Variants in ANKRD11 observed in about 807,000 individuals in gnomAD.
ANKRD11 encodes the protein ankyrin repeat domain-containing protein 11.
A neutral mutation model predicts 195.7 loss-of-function variants in ANKRD11; 17 were observed. That is an observed-to-expected ratio of 0.09 (90% CI 0.06 to 0.13). ANKRD11 has a LOEUF of 0.13. Among genes scored for constraint, ANKRD11 ranks in the 10% least tolerant of loss-of-function variants. The pLI, the probability that ANKRD11 is intolerant of heterozygous loss-of-function variation, is 1.00. For synonymous variants in ANKRD11, 1,953 were observed against 1,528.1 expected (o/e 1.28, Z -6.49); for missense variants, 3,735 against 3,566.1 (o/e 1.05, Z -1.21).
rs541087910 is a variant in ANKRD11, at chr16:89,281,682, G to C, written c.4860C>G (p.Leu1620=). ...KLRHRSGDPK[L]KEKAKPADDG... ...CGTCTGCCGGCTTCGCCTTCTCCTTGAGCTTGGGGTCTCCGGACCGGTGCC... is the reference window on the plus strand; with the variant it reads ...CGTCTGCCGGCTTCGCCTTCTCCTTCAGCTTGGGGTCTCCGGACCGGTGCC... The change falls in exon 9 of 13, where the codon CTC becomes CTG. Residue 1620 remains leucine (L), a synonymous_variant. Transcript: ENST00000301030. The surrounding 1 kb of genome is among the most constrained non-coding windows in gnomAD (Gnocchi z 5.5). 19 of 1,614,126 alleles carry C rather than the reference G, an allele frequency of 1.2e-5. No individual in the cohort carries two copies. In the East Asian group the frequency reaches 4.0e-4, roughly 34 times the overall value.
chr16:89,466,562 C>A (rs966351270), intron 1 of ANKRD11, among the ~76,000 whole-genome samples: 6 of 151,832 alleles, frequency 4.0e-5, no homozygotes, highest in Middle Eastern at 3.2e-3. Flanking sequence ...GCCTGGCATC[C>A]AACAAAATCA....
intron 3 of ANKRD11, among the ~76,000 whole-genome samples, chr16:89,308,712 CA>C (rs200838225): frequency 3.6e-4 from 54 of 151,826 alleles, no homozygotes; most frequent in Non-Finnish European, 6.8e-4. Context: ...GTTCGTAATA[CA>C]AAAAAAATGA....
chr16:89,280,328 G>C lies in ANKRD11; in HGVS notation c.6214C>G (p.Leu2072Val), dbSNP rs773880462. 1 of 1,581,634 alleles carries C rather than the reference G, an allele frequency of 6.3e-7. No individual in the cohort carries two copies. The highest frequency in any genetic ancestry group is 1.8e-5 in the Admixed American group (1 of 56,238). Residue 2072 changes from leucine (L) to valine (V), a missense_variant, in exon 9 of 13, where the codon CTT becomes GTT. Transcript: ENST00000301030. ...LESFFSNCKS[L>V]PEAPLDVAPE... is the part of the protein sequence containing the mutation. ...GCCACGTCCAGCGGGGCTTCCGGAA[G>C]TGACTTGCAGTTGCTGAAGAAGGAC... is the stretch of plus-strand genomic sequence containing the variant.
intron 2 of ANKRD11, among the ~76,000 whole-genome samples, chr16:89,352,703 T>C (rs1462958263): frequency 6.6e-6 from 1 of 152,188 alleles, no homozygotes; most frequent in Non-Finnish European, 1.5e-5. Flanking sequence ...TTCACCAGTT[T>C]ATTGAAGCCT....
At chr16:89,412,096 C>G in intron 2 of ANKRD11, among the ~76,000 whole-genome samples, 2 of 73,534 alleles carry the variant, frequency 2.7e-5, no homozygotes, top group Admixed American at 1.3e-4. Context: ...CCTCAGCCAG[C>G]TACTGGGCTG....
At chr16:89,323,218 C>A (rs748345644) in intron 2 of ANKRD11, 4 of 987,070 alleles carry the variant, frequency 4.1e-6, no homozygotes, top group African/African-American at 1.7e-5. Context: ...ACGGACTGAG[C>A]GGAGGAAAAA....
chr16:89,416,661 G>A (rs887562699), intron 2 of ANKRD11, among the ~76,000 whole-genome samples: 8 of 151,588 alleles, frequency 5.3e-5, no homozygotes. Flanking sequence ...CAGGTGTGGT[G>A]GCTCACACCT....
Position 89,281,671 on chromosome 16 carries a change from G to A in ANKRD11, c.4871C>T (p.Ala1624Val), listed in dbSNP as rs2034263596. ...CTTCCGCCCGTCGTCTGCCGGCTTCGCCTTCTCCTTGAGCTTGGGGTCTCC... is the reference window on the plus strand; with the variant it reads ...CTTCCGCCCGTCGTCTGCCGGCTTCACCTTCTCCTTGAGCTTGGGGTCTCC... ...RSGDPKLKEK[A>V]KPADDGRKKG... The change falls in exon 9 of 13, where the codon GCG (alanine) becomes GTG (valine). Residue 1624 changes from alanine (A) to valine (V), a missense_variant. Coordinates refer to ENST00000301030, the MANE Select transcript of ANKRD11 (RefSeq NM_013275.6). The surrounding 1 kb of genome is among the most constrained non-coding windows in gnomAD (Gnocchi z 5.5). 3.1e-6 allele frequency: 5 copies of A among 1,614,056 alleles called. No homozygotes were observed. The African/African-American group carries it at 4.0e-5, about 13-fold the overall frequency.
chr16:89,372,280 A>C (rs1334635149), intron 2 of ANKRD11, among the ~76,000 whole-genome samples: 1 of 152,188 alleles, frequency 6.6e-6, no homozygotes, highest in Admixed American at 6.5e-5. Flanking sequence ...TGAGATTAAG[A>C]GGGGCTCTGG....
intron 2 of ANKRD11, among the ~76,000 whole-genome samples, chr16:89,340,896 A>G (rs1298033579): frequency 6.6e-6 from 1 of 152,232 alleles, no homozygotes; most frequent in Non-Finnish European, 1.5e-5. Context: ...AAAAACGTTT[A>G]GGAAGGCACC....
chr16:89,377,826 C>T (rs1007303010), intron 2 of ANKRD11, among the ~76,000 whole-genome samples: 1 of 152,074 alleles, frequency 6.6e-6, no homozygotes, highest in African/African-American at 2.4e-5. Context: ...ACACCAAATG[C>T]GCCTGCCTCT....
rs59204820 is a variant in ANKRD11, at chr16:89,268,967, T to G, written c.7807-304A>C. Among the ~76,000 whole-genome samples the G allele has an allele frequency of 0.098, 14,869 of 152,316 alleles. 1,002 individuals carry two copies. Among genetic ancestry groups the G allele is most frequent in the East Asian group, 0.38 (1,966 of 5,178 alleles). On this transcript the variant is annotated intron_variant, in intron 12 of 12. Coordinates refer to ENST00000301030, the MANE Select transcript of ANKRD11 (RefSeq NM_013275.6). ...CCTGGGACTCACCTCCAGCAGCCAC[T>G]GCAGCTTATTAGAATCGAACAGCTT...
chr16:89,343,245 G>A (rs530869625), intron 2 of ANKRD11, among the ~76,000 whole-genome samples: 5 of 152,084 alleles, frequency 3.3e-5, no homozygotes, highest in East Asian at 3.9e-4. Flanking sequence ...CACCCAGCTC[G>A]GCCTCCCGAA....
chr16:89,471,990 A>G (rs1466417663), intron 1 of ANKRD11, among the ~76,000 whole-genome samples: 1 of 151,958 alleles, frequency 6.6e-6, no homozygotes, highest in East Asian at 1.9e-4. Flanking sequence ...TTATCTCCAG[A>G]CACATCTCCT....
chr16:89,426,627 C>A (rs1419644058), intron 1 of ANKRD11, among the ~76,000 whole-genome samples: 11 of 151,880 alleles, frequency 7.2e-5, no homozygotes, highest in Admixed American at 3.9e-4. Flanking sequence ...CTAAATCAGG[C>A]GCATATAGAT....
At chr16:89,324,465 T>A in intron 2 of ANKRD11, 1 of 457,492 alleles carries the variant, frequency 2.2e-6, no homozygotes, top group Non-Finnish European at 4.4e-6. Context: ...AGTTTCAACT[T>A]GACTGGACTA....
intron 2 of ANKRD11, among the ~76,000 whole-genome samples, chr16:89,350,729 A>C (rs2039174566): frequency 6.6e-6 from 1 of 152,186 alleles, no homozygotes; most frequent in Non-Finnish European, 1.5e-5. Flanking sequence ...TGGTGGGAAC[A>C]AGACAGTTCC....
chr16:89,295,985 C>CTTTTTTGTTTTTTTTTTTT (rs2035406672), intron 4 of ANKRD11, among the ~76,000 whole-genome samples: 1 of 45,142 alleles, frequency 2.2e-5, no homozygotes, highest in African/African-American at 1.1e-4. Context: ...ATCTGGCTGC[C>CTTTTTTGTTTTTTTTTTTT]TTTTTTTTTT....
rs117872084 is a variant in ANKRD11, at chr16:89,319,214, C to T, written c.-59-2136G>A. On this transcript the variant is annotated intron_variant, in intron 2 of 12. Transcript: ENST00000301030. The stretch of plus-strand genomic sequence containing the variant: ...CTCAACAGCTCTGGCGTGGTCAGGG[C>T]GCAGACCCCACGGCCTCCGGACGGT... Among the ~76,000 whole-genome samples the T allele has an allele frequency of 1.0e-2, 1,522 of 152,354 alleles. 10 individuals are homozygous for T. Among genetic ancestry groups the T allele is most frequent in the Middle Eastern group, 0.034 (10 of 294 alleles).
Sources: gnomAD v4.1 joint callset for allele counts (sites outside exome capture counted in the v4.1 genomes callset) on GRCh38, gnomAD v4.1.1 for gene constraint, Gnocchi (gnomAD v3.1) non-coding constraint, MANE v1.5 for transcripts, NCBI Gene and HGNC (gene_info 2026-07-23, HGNC 2026-07-21) for gene names.